Variants in GCDH observed in about 807,000 individuals in gnomAD.
The protein encoded by GCDH is glutaryl-CoA dehydrogenase, mitochondrial.
Under a neutral mutation model 52.8 loss-of-function variants are expected in GCDH, and 31 were observed. The observed-to-expected ratio is 0.59, with a 90% CI of 0.44 to 0.79. The LOEUF is 0.79. GCDH is among the 30% of genes least tolerant of loss of function. The pLI is 0.00. For synonymous variants in GCDH, 242 were observed against 250.0 expected (o/e 0.97, Z 0.30); for missense variants, 509 against 595.0 (o/e 0.86, Z 1.50).
At chr19:12,894,842 C>T (rs891137142) in intron 6 of GCDH, 18 of 543,492 alleles carry the variant, frequency 3.3e-5, no homozygotes, top group South Asian at 2.8e-4. Context: ...GTCCTCTCTG[C>T]GAGCTTCCAC....
rs748323950 is a variant in GCDH at position 12,892,313 on chromosome 19, A to ACCCCC, written c.334+136_334+137insCCCCC. 8.6e-6 allele frequency: 7 copies of ACCCCC among 816,058 alleles called. No homozygotes were observed. The African/African-American group carries it at 1.2e-4, about 14-fold the overall frequency. 50.6% of individuals were successfully genotyped at this position (816,058 alleles called of 1,614,324 possible). ...TTCTTTCCTTTCTTCTTCCCCCCCAACAGAGTCTGGCTCTGTTGCCCAGGC... is the reference window on the plus strand; with the variant it reads ...TTCTTTCCTTTCTTCTTCCCCCCCAACCCCCCAGAGTCTGGCTCTGTTGCCCAGGC... On this transcript the variant is annotated intron_variant, in intron 5 of 11. Coordinates refer to ENST00000222214, the MANE Select transcript of GCDH (RefSeq NM_000159.4).
At chr19:12,892,492 G>C in intron 5 of GCDH, 2 of 427,236 alleles carry the variant, frequency 4.7e-6, no homozygotes, top group South Asian at 4.5e-5. Flanking sequence ...GGGTTTCACT[G>C]TGTTGGCCAG....
chr19:12,891,350 G>T lies in GCDH; in HGVS notation c.46G>T (p.Gly16Cys), dbSNP rs748718770. The T allele has an allele frequency of 1.2e-6, 2 of 1,613,066 alleles. No individual in the cohort carries two copies. Among genetic ancestry groups the T allele is most frequent in the African/African-American group, 2.7e-5 (2 of 74,930 alleles). Residue 16 changes from glycine to cysteine, a missense_variant, in exon 2 of 12, where the codon GGC becomes TGC. Transcript: ENST00000222214. ...VSVRLLSRGP[G>C]LHVLRTWVSS... ...CGTGCGGCTGCTGAGCCGCGGACCCGGCCTGCACGTCCTTCGCACGTGGGT... is the reference window on the plus strand; with the variant it reads ...CGTGCGGCTGCTGAGCCGCGGACCCTGCCTGCACGTCCTTCGCACGTGGGT...
At position 12,896,010 on chromosome 19, in the gene GCDH, G is replaced by A. The variant is rs1555750450; in HGVS notation, c.524G>A (p.Gly175Asp). The change falls in exon 7 of 12, where the codon GGC becomes GAC. Residue 175 changes from glycine (G) to aspartate (D), a missense_variant. Coordinates refer to ENST00000222214, the MANE Select transcript of GCDH (RefSeq NM_000159.4). The surrounding 1 kb of genome is among the most constrained non-coding windows in gnomAD (Gnocchi z 5.5). Reference protein sequence around the residue: ...LPQLAKGELLGCFGLTEPNSG... With the variant: ...LPQLAKGELLDCFGLTEPNSG... ...CCTGCAGCCAAGGGGGAGCTCCTGGGCTGCTTCGGGCTCACAGAGCCCAAC... is the reference window on the plus strand; with the variant it reads ...CCTGCAGCCAAGGGGGAGCTCCTGGACTGCTTCGGGCTCACAGAGCCCAAC... 6.2e-7 allele frequency: 1 copy of A among 1,614,096 alleles called. No homozygotes were observed. The highest frequency in any genetic ancestry group is 1.3e-5 in the African/African-American group (1 of 75,036).
At position 12,896,291 on chromosome 19, in the gene GCDH, G is replaced by T; in HGVS notation, c.722G>T (p.Gly241Val). 6.2e-7 allele frequency: 1 copy of T among 1,614,150 alleles called. No homozygotes were observed. The part of the protein sequence containing the change: ...GCIRGFLLEK[G>V]MRGLSAPRIQ... ...ATTCGGGGCTTCCTGCTGGAGAAGG[G>T]GATGCGGGGTCTCTCGGCCCCCAGG... Residue 241 changes from glycine (G) to valine (V), a missense_variant, in exon 8 of 12, where the codon GGG (glycine) becomes GTG (valine). Physicochemically the swap from Gly to Val is moderately radical, Grantham distance 109. Coordinates refer to ENST00000222214, the MANE Select transcript of GCDH (RefSeq NM_000159.4). The surrounding 1 kb of genome is among the most constrained non-coding windows in gnomAD (Gnocchi z 5.5).
Position 12,894,456 on chromosome 19 carries a change from T to C in GCDH, c.505+803T>C, listed in dbSNP as rs937243167. ...GCATCGTGGATGCCAATCTGAGTGT[T>C]CTCAACTTGGTTATTGTAAAAAAAA... On this transcript the variant is annotated intron_variant, in intron 6 of 11. Transcript: ENST00000222214. The C allele has an allele frequency of 4.1e-6, 3 of 740,658 alleles. No homozygotes were observed. In the Admixed American group the frequency reaches 5.3e-5, roughly 13 times the overall value. The allele number at this position is 740,658 out of a possible 1,614,324, so 45.9% of individuals were successfully genotyped here. A position where few individuals can be genotyped will look rare whatever the true frequency, so the allele number is the denominator to read the frequency against.
At position 12,896,455 on chromosome 19, in the gene GCDH, G is replaced by A. The variant is rs774468072; in HGVS notation, c.852+34G>A. On this transcript the variant is annotated intron_variant, in intron 8 of 11. Coordinates refer to ENST00000222214, the MANE Select transcript of GCDH (RefSeq NM_000159.4). The surrounding 1 kb of genome is among the most constrained non-coding windows in gnomAD (Gnocchi z 5.5). ...CAGCCACTTTGGGAATGGGTGTTGG[G>A]TCACCTGCGGATGCGGCTTTGTCAG... The A allele has an allele frequency of 6.6e-7, 1 of 1,515,140 alleles. No individual in the cohort carries two copies. Among genetic ancestry groups the A allele is most frequent in the Non-Finnish European group, 9.1e-7 (1 of 1,098,302 alleles). The allele number at this position is 1,515,140 out of a possible 1,614,324, so 93.9% of individuals were successfully genotyped here. A position where few individuals can be genotyped will look rare whatever the true frequency, so the allele number is the denominator to read the frequency against.
chr19:12,899,427 C>T (rs762100038), intron 11 of GCDH, 41 bp from the exon 12 acceptor site: 9 of 1,613,912 alleles, frequency 5.6e-6, no homozygotes, highest in Admixed American at 5.0e-5. Flanking sequence ...AAGTTGTGAG[C>T]TATGAAAACT....
At position 12,897,829 on chromosome 19, in the gene GCDH, C is replaced by T. The variant is rs747746632; in HGVS notation, c.1209C>T (p.His403=). Reference sequence around the variant, plus strand: ...CTGACGAGTATCACGTGATCCGGCACGCCATGAACCTGGAGGCCGTGAACA... The same window carrying T: ...CTGACGAGTATCACGTGATCCGGCATGCCATGAACCTGGAGGCCGTGAACA... ...GISDEYHVIR[H]AMNLEAVNTY... Residue 403 remains histidine, a synonymous_variant, in exon 11 of 12, where the codon CAC becomes CAT. Coordinates refer to ENST00000222214, the MANE Select transcript of GCDH (RefSeq NM_000159.4). 82 of 1,613,942 alleles carry T rather than the reference C, an allele frequency of 5.1e-5. No homozygotes were observed. The highest frequency in any genetic ancestry group is 1.1e-4 in the East Asian group (5 of 44,876).
Position 12,899,767 on chromosome 19 carries a change from A to G in GCDH, c.*226A>G, listed in dbSNP as rs765088211. 1.3e-5 allele frequency: 21 copies of G among 1,606,708 alleles called. No individual in the cohort carries two copies. In the East Asian group the frequency reaches 3.3e-4, roughly 26 times the overall value. Reference sequence around the variant, plus strand: ...AGAGCGTCTCAATCCACTTTTAACCATGGATGAGAGCAGACTCCATTTACC... The same window carrying G: ...AGAGCGTCTCAATCCACTTTTAACCGTGGATGAGAGCAGACTCCATTTACC... On this transcript the variant is annotated 3_prime_UTR_variant, in exon 12 of 12. Coordinates refer to ENST00000222214, the MANE Select transcript of GCDH (RefSeq NM_000159.4).
At position 12,896,087 on chromosome 19, in the gene GCDH, A is replaced by C; in HGVS notation, c.601A>C (p.Asn201His). 1 of 1,614,050 alleles carries C rather than the reference A, an allele frequency of 6.2e-7. No homozygotes were observed. Reference sequence around the variant, plus strand: ...GACCAGAGCCCACTACAACTCATCCAACAAGAGCTACACCCTCAATGGGAC... The same window carrying C: ...GACCAGAGCCCACTACAACTCATCCCACAAGAGCTACACCCTCAATGGGAC... ...METRAHYNSS[N>H]KSYTLNGTKT... Residue 201 changes from asparagine (N) to histidine (H), a missense_variant, in exon 7 of 12, where the codon AAC becomes CAC. By Grantham distance (68) the Asn-to-His change is moderately conservative. Transcript: ENST00000222214. The surrounding 1 kb of genome is among the most constrained non-coding windows in gnomAD (Gnocchi z 5.5).
rs147611168 is a variant in GCDH at position 12,897,860 on chromosome 19, G to A, written c.1240G>A (p.Glu414Lys). 8.2e-5 allele frequency: 132 copies of A among 1,613,338 alleles called. No individual in the cohort carries two copies. The highest frequency in any genetic ancestry group is 2.9e-4 in the African/African-American group (22 of 74,878). ...GAACCTGGAGGCCGTGAACACCTACGAAGGTAGGAGCTGGACCTCAGAGGG... is the reference window on the plus strand; with the variant it reads ...GAACCTGGAGGCCGTGAACACCTACAAAGGTAGGAGCTGGACCTCAGAGGG... ...AMNLEAVNTY[E>K]GTHDIHALIL... is the part of the protein sequence containing the mutation. The change falls in exon 11 of 12, where the codon GAA (glutamate) becomes AAA (lysine). Residue 414 changes from glutamate to lysine, a missense_variant. Glu to Lys is a moderately conservative substitution (Grantham distance 56). Transcript: ENST00000222214.
At chr19:12,892,045 C>T (rs941144161) in intron 4 of GCDH, 71 bp downstream of exon 4, 1 of 1,611,548 alleles carries the variant, frequency 6.2e-7, no homozygotes. Context: ...CTCAAGGCCC[C>T]TCTGTCCTTG....
At chr19:12,894,777 A>G in intron 6 of GCDH, 1 of 810,818 alleles carries the variant, frequency 1.2e-6, no homozygotes, top group Non-Finnish European at 1.9e-6. Context: ...CTTTTGGCCA[A>G]GAGAATGAAG....
chr19:12,891,351 G>A lies in GCDH; in HGVS notation c.47G>A (p.Gly16Asp). Residue 16 changes from glycine to aspartate, a missense_variant, in exon 2 of 12, where the codon GGC becomes GAC. Gly to Asp is a moderately conservative substitution (Grantham distance 94). Transcript: ENST00000222214. ...GTGCGGCTGCTGAGCCGCGGACCCGGCCTGCACGTCCTTCGCACGTGGGTC... is the reference window on the plus strand; with the variant it reads ...GTGCGGCTGCTGAGCCGCGGACCCGACCTGCACGTCCTTCGCACGTGGGTC... ...VSVRLLSRGP[G>D]LHVLRTWVSS... 1 of 1,613,266 alleles carries A rather than the reference G, an allele frequency of 6.2e-7. No homozygotes were observed. The highest frequency in any genetic ancestry group is 1.3e-5 in the African/African-American group (1 of 75,060).
chr19:12,896,096 T>C lies in GCDH; in HGVS notation c.610T>C (p.Tyr204His). 1 of 1,613,848 alleles carries C rather than the reference T, an allele frequency of 6.2e-7. No individual in the cohort carries two copies. The highest frequency in any genetic ancestry group is 8.5e-7 in the Non-Finnish European group (1 of 1,179,986). Reference sequence around the variant, plus strand: ...CCACTACAACTCATCCAACAAGAGCTACACCCTCAATGGGACCAAGACCTG... The same window carrying C: ...CCACTACAACTCATCCAACAAGAGCCACACCCTCAATGGGACCAAGACCTG... ...RAHYNSSNKS[Y>H]TLNGTKTWIT... is the part of the protein sequence containing the mutation. Residue 204 changes from tyrosine to histidine, a missense_variant, in exon 7 of 12, where the codon TAC (tyrosine) becomes CAC (histidine). Physicochemically the swap from Tyr to His is moderately conservative, Grantham distance 83. Coordinates refer to ENST00000222214, the MANE Select transcript of GCDH (RefSeq NM_000159.4). This position sits in a 1 kb window ranked among gnomAD's most constrained non-coding sequence, Gnocchi z 5.5.
Position 12,892,186 on chromosome 19 carries a change from C to T in GCDH, c.334+8C>T. 1 of 1,610,656 alleles carries T rather than the reference C, an allele frequency of 6.2e-7. No homozygotes were observed. Among genetic ancestry groups the T allele is most frequent in the Non-Finnish European group, 8.5e-7 (1 of 1,176,840 alleles). On this transcript the variant is annotated splice_region_variant and intron_variant, in intron 5 of 11. Transcript: ENST00000222214. ...TGGGCCCCACCATCAAAGGTAGGAA[C>T]AAGTATCTCTCCACACACTGCAGAA...
intron 10 of GCDH, 77 bp from the exon 11 acceptor site, chr19:12,897,626 C>T (rs1970715835): frequency 1.3e-6 from 2 of 1,568,140 alleles, no homozygotes; most frequent in Non-Finnish European, 1.8e-6. Flanking sequence ...AGGGAATCCC[C>T]ACCCCGGGCT....
At chr19:12,895,472 G>C (rs968644494) in intron 6 of GCDH, among the ~76,000 whole-genome samples, 3 of 152,098 alleles carry the variant, frequency 2.0e-5, no homozygotes, top group Admixed American at 6.6e-5. Flanking sequence ...TGTTGGCCAG[G>C]CTGGTCTCGA....
Sources: allele counts gnomAD v4.1 joint callset (sites outside exome capture counted in the v4.1 genomes callset), GRCh38; gene constraint gnomAD v4.1.1; non-coding constraint Gnocchi (gnomAD v3.1); transcripts MANE v1.5; gene names NCBI Gene and HGNC (gene_info 2026-07-23, HGNC 2026-07-21).